Variants in ROBO2 observed in about 807,000 individuals in gnomAD.
ROBO2 encodes the protein roundabout guidance receptor 2.
ROBO2 carries 53 observed loss-of-function variants against 160.8 expected under a neutral mutation model. The observed-to-expected ratio is 0.33, with a 90% CI of 0.26 to 0.41. The LOEUF is 0.41. Among genes scored for constraint, ROBO2 ranks in the 10% least tolerant of loss-of-function variants. ROBO2 has a pLI of 1.00. For missense variants in ROBO2, 1,577 were observed against 1,722.4 expected (o/e 0.92, Z 1.49); for synonymous variants, 664 against 611.7 (o/e 1.09, Z -1.26).
At position 76,452,290 on chromosome 3, in the gene ROBO2, T is replaced by C. The variant is rs2077514591; in HGVS notation, c.109+514688T>C. ...GTGCTGCACCAATTAACTCATCATT[T>C]AGCATTAGGTGTATCTCCTAATGCT... On this transcript the variant is annotated intron_variant, in intron 2 of 26. Coordinates refer to the ROBO2 transcript ENST00000487694. Among the ~76,000 whole-genome samples, 9 of 152,250 alleles carry C rather than the reference T, an allele frequency of 5.9e-5. No homozygotes were observed. In the South Asian group the frequency reaches 1.9e-3, roughly 32 times the overall value.
At chr3:77,134,570 A>G (rs1337681502) in intron 2 of ROBO2, among the ~76,000 whole-genome samples, 1 of 152,166 alleles carries the variant, frequency 6.6e-6, no homozygotes, top group African/African-American at 2.4e-5. Flanking sequence ...GGCTCTATCT[A>G]TGCCCCTTTC....
chr3:76,355,023 T>TG, intron 2 of ROBO2, among the ~76,000 whole-genome samples: 1 of 150,774 alleles, frequency 6.6e-6, no homozygotes, highest in African/African-American at 2.5e-5. Flanking sequence ...TATGTGTATG[T>TG]TTATGTGTAT....
intron 2 of ROBO2, among the ~76,000 whole-genome samples, chr3:76,062,237 G>A (rs1275518928): frequency 6.6e-6 from 1 of 152,086 alleles, no homozygotes; most frequent in Non-Finnish European, 1.5e-5. Flanking sequence ...TGATTTTTGG[G>A]TGCAACAGTA....
Position 77,200,265 on chromosome 3 carries a change from TTTTATATATATATATATATATA to T in ROBO2, c.388+101927_388+101948del, listed in dbSNP as rs1435868802. 3.4e-4 allele frequency among the ~76,000 whole-genome samples: 20 copies of T among 59,060 alleles called. 1 individual carries two copies. Among genetic ancestry groups the T allele is most frequent in the South Asian group, 1.3e-3 (2 of 1,568 alleles). The allele number at this position is 59,060 out of a possible 152,430, so 38.7% of individuals were successfully genotyped here. On this transcript the variant is annotated intron_variant, in intron 2 of 25. Transcript: ENST00000461745. ...GTGTATGTATATCCTAACTAACATA[TTTTATATATATATATATATATA>T]TATATATATATATATATATATATAT...
intron 2 of ROBO2, among the ~76,000 whole-genome samples, chr3:76,689,410 C>G (rs948464441): frequency 6.6e-6 from 1 of 152,012 alleles, no homozygotes; most frequent in Non-Finnish European, 1.5e-5. Context: ...TCAGACTTCT[C>G]CAATCCACTT....
chr3:77,649,951 A>G (rs766742371), exon 26 of ROBO2: 1 of 152,202 alleles, frequency 6.6e-6, no homozygotes. Context: ...AATAAAATAT[A>G]TTCACATTTC....
chr3:76,769,664 G>A (rs1369281872), intron 2 of ROBO2, among the ~76,000 whole-genome samples: 1 of 151,324 alleles, frequency 6.6e-6, no homozygotes, highest in Non-Finnish European at 1.5e-5. Flanking sequence ...TCAAAATGTG[G>A]ACTTCACAAT....
At chr3:76,384,363 A>G (rs1412540890) in intron 2 of ROBO2, among the ~76,000 whole-genome samples, 1 of 152,208 alleles carries the variant, frequency 6.6e-6, no homozygotes, top group Non-Finnish European at 1.5e-5. Context: ...ACATTCAGCC[A>G]TCTAGACCAT....
At chr3:76,554,185 A>G (rs1046744053) in intron 2 of ROBO2, among the ~76,000 whole-genome samples, 6 of 152,206 alleles carry the variant, frequency 3.9e-5, no homozygotes, top group African/African-American at 1.4e-4. Context: ...AGCTACATCT[A>G]TGGACATAAT....
chr3:76,984,499 C>T (rs1215566300), intron 2 of ROBO2, among the ~76,000 whole-genome samples: 1 of 152,070 alleles, frequency 6.6e-6, no homozygotes, highest in East Asian at 1.9e-4. Context: ...CTGGGGTATC[C>T]ACACTCTACC....
intron 2 of ROBO2, among the ~76,000 whole-genome samples, chr3:76,216,835 A>G (rs1204720673): frequency 1.3e-5 from 2 of 152,206 alleles, no homozygotes; most frequent in Non-Finnish European, 2.9e-5. Context: ...AGAACTCTCC[A>G]CCCAAAATCA....
chr3:76,530,367 G>A (rs1202654840), intron 2 of ROBO2, among the ~76,000 whole-genome samples: 6 of 152,120 alleles, frequency 3.9e-5, no homozygotes, highest in African/African-American at 1.4e-4. Context: ...GGAATTTGGA[G>A]ACACTGACTC....
chr3:76,529,488 T>A (rs2108026907), intron 2 of ROBO2, among the ~76,000 whole-genome samples: 1 of 152,220 alleles, frequency 6.6e-6, no homozygotes, highest in South Asian at 2.1e-4. Flanking sequence ...AATAACAATA[T>A]ACACAGATCT....
At chr3:76,434,481 T>C in intron 2 of ROBO2, 1 of 1,551,684 alleles carries the variant, frequency 6.4e-7, no homozygotes, top group Non-Finnish European at 8.9e-7. Flanking sequence ...GATGCTGCCA[T>C]GTTTTATACA....
chr3:77,334,789 C>T (rs774330945), intron 2 of ROBO2, among the ~76,000 whole-genome samples: 5 of 151,992 alleles, frequency 3.3e-5, no homozygotes, highest in Non-Finnish European at 7.4e-5. Flanking sequence ...ACTAAGGTAC[C>T]ACTTATTAGG....
intron 2 of ROBO2, among the ~76,000 whole-genome samples, chr3:76,242,941 CAA>C: frequency 6.9e-6 from 1 of 145,812 alleles, no homozygotes; most frequent in Non-Finnish European, 1.5e-5. Context: ...AACAAACAAA[CAA>C]ATCCTGATCT....
At position 77,602,388 on chromosome 3, in the gene ROBO2, G is replaced by A. The variant is rs766534031; in HGVS notation, c.3033G>A (p.Leu1011=). The change falls in exon 20 of 26, where the codon TTG becomes TTA. Residue 1011 remains leucine, a synonymous_variant. Coordinates refer to ENST00000461745, the Ensembl canonical transcript of ROBO2. ...TGCATTCCAACAGCATACATGAATT[G>A]GCTGTCGATCTGCCTGATCCACAAT... 4 of 1,613,990 alleles carry A rather than the reference G, an allele frequency of 2.5e-6. No homozygotes were observed. The highest frequency in any genetic ancestry group is 3.4e-6 in the Non-Finnish European group (4 of 1,179,992).
intron 2 of ROBO2, among the ~76,000 whole-genome samples, chr3:77,351,791 T>C (rs1245153122): frequency 2.0e-5 from 3 of 151,956 alleles, no homozygotes; most frequent in Admixed American, 2.0e-4. Context: ...AGCACAACAA[T>C]ATAATCTGGG....
At chr3:76,445,151 G>C (rs1455061493) in intron 2 of ROBO2, among the ~76,000 whole-genome samples, 1 of 151,952 alleles carries the variant, frequency 6.6e-6, no homozygotes, top group African/African-American at 2.4e-5. Context: ...TTAATCCATA[G>C]AATAAACTTA....
Sources: allele counts gnomAD v4.1 joint callset (sites outside exome capture counted in the v4.1 genomes callset), GRCh38; gene constraint gnomAD v4.1.1; transcripts MANE v1.5; gene names NCBI Gene and HGNC (gene_info 2026-07-23, HGNC 2026-07-21).